Variants in ELF1 observed in about 807,000 individuals in gnomAD.
The protein encoded by ELF1 is ETS-related transcription factor Elf-1.
A neutral mutation model predicts 59.9 loss-of-function variants in ELF1; 24 were observed. That is an observed-to-expected ratio of 0.40 (90% CI 0.29 to 0.56). ELF1 has a LOEUF of 0.56. ELF1 is among the 20% of genes least tolerant of loss of function. The pLI is 0.44. For missense variants in ELF1, 627 were observed against 742.2 expected, an observed-to-expected ratio of 0.84 and a Z score of 1.80; for synonymous variants, 248 against 266.2, an observed-to-expected ratio of 0.93 and a Z score of 0.67.
chr13:40,949,768 G>A, intron 5 of ELF1, 38 bp downstream of exon 5: 3 of 1,605,746 alleles, frequency 1.9e-6, no homozygotes, highest in Non-Finnish European at 2.6e-6. Context: ...TTCACACCAA[G>A]ACTTGACTAT....
chr13:40,989,026 G>A (rs572174974), intron 1 of ELF1, among the ~76,000 whole-genome samples: 1 of 152,264 alleles, frequency 6.6e-6, no homozygotes, highest in East Asian at 1.9e-4. Context: ...TCGAACTCCT[G>A]AGCTCAAGTG....
chr13:41,005,974 G>A (rs1356147481), intron 1 of ELF1, among the ~76,000 whole-genome samples: 1 of 152,068 alleles, frequency 6.6e-6, no homozygotes, highest in African/African-American at 2.4e-5. Flanking sequence ...AATTCCACCA[G>A]AGTTTAGTGC....
In ELF1 at chr13:41,060,911, T is replaced by TGCCGCCGCCGCC. The variant is rs1225488758; in HGVS notation, c.-303_-302insGGCGGCGGCGGC. 3.0e-5 allele frequency: 8 copies of TGCCGCCGCCGCC among 264,454 alleles called. 2 individuals carry two copies. In the East Asian group the frequency reaches 8.0e-4, roughly 27 times the overall value. The allele number at this position is 264,454 out of a possible 1,614,324, so 16.4% of individuals were successfully genotyped here. A position where few individuals can be genotyped will look rare whatever the true frequency, so the allele number is the denominator to read the frequency against. ...GCCGCCTCTGCGCTACTGAAGCTGC[T>TGCCGCCGCCGCC]GCTGCCGCCGCCGCCGCCGCCGCCG... On this transcript the variant is annotated 5_prime_UTR_variant, in exon 1 of 2. Coordinates refer to the ELF1 transcript ENST00000405737.
rs1869532213 is a variant in ELF1, at chr13:40,933,333, C to A, written c.*92G>T. On this transcript the variant is annotated 3_prime_UTR_variant, in exon 9 of 9. Transcript: ENST00000239882. ...TTTTTAACAATTACAAAATTAGAAA[C>A]CTCCTTAGAATTTATCTTAGAATCA... 2 of 1,460,518 alleles carry A rather than the reference C, an allele frequency of 1.4e-6. No individual in the cohort carries two copies. Among genetic ancestry groups the A allele is most frequent in the Non-Finnish European group, 1.8e-6 (2 of 1,093,876 alleles). 90.5% of individuals were successfully genotyped at this position (1,460,518 alleles called of 1,614,324 possible). A position where few individuals can be genotyped will look rare whatever the true frequency, so the allele number is the denominator to read the frequency against.
At chr13:40,982,640 A>T (rs565652921) in intron 1 of ELF1, among the ~76,000 whole-genome samples, 17 of 152,184 alleles carry the variant, frequency 1.1e-4, no homozygotes, top group African/African-American at 3.9e-4. Flanking sequence ...CTTTTCACCA[A>T]CTCAGCAAAG....
In ELF1 at chr13:40,942,767, C is replaced by T. The variant is rs558137792; in HGVS notation, c.806+185G>A. Reference sequence around the variant, plus strand: ...AAACTCCTGGACTCAAGCAATCCACCGGCCTCAGCCTCCCAAAGTGTTGGG... The same window carrying T: ...AAACTCCTGGACTCAAGCAATCCACTGGCCTCAGCCTCCCAAAGTGTTGGG... On this transcript the variant is annotated intron_variant, in intron 7 of 8. Transcript: ENST00000239882. Among the ~76,000 whole-genome samples, 37 of 152,256 alleles carry T rather than the reference C, an allele frequency of 2.4e-4. 1 individual carries two copies. Among genetic ancestry groups the T allele is most frequent in the African/African-American group, 8.7e-4 (36 of 41,560 alleles).
At position 40,945,633 on chromosome 13, in the gene ELF1, T is replaced by G. The variant is rs546832361; in HGVS notation, c.530-1708A>C. 2.0e-5 allele frequency among the ~76,000 whole-genome samples: 3 copies of G among 152,348 alleles called. No homozygotes were observed. The East Asian group carries it at 5.8e-4, about 29-fold the overall frequency. ...GATTAATGTGATTCTGGAAAATTCT[T>G]AGTCACTATCTCTTGAATATTGTCT... On this transcript the variant is annotated intron_variant, in intron 5 of 8. Coordinates refer to ENST00000239882, the MANE Select transcript of ELF1 (RefSeq NM_172373.4).
chr13:40,943,829 T>C lies in ELF1; in HGVS notation c.613+13A>G. 1 of 1,608,618 alleles carries C rather than the reference T, an allele frequency of 6.2e-7. No individual in the cohort carries two copies. The highest frequency in any genetic ancestry group is 1.1e-5 in the South Asian group (1 of 90,374). On this transcript the variant is annotated intron_variant, in intron 6 of 8. Transcript: ENST00000239882. The stretch of plus-strand genomic sequence containing the variant: ...TGAGTGTTATTTGACCTATAAGTAT[T>C]ACACAGTAGTACCCTTTCCATCTTT...
intron 2 of ELF1, among the ~76,000 whole-genome samples, chr13:40,961,966 G>C (rs1214525716): frequency 2.6e-5 from 4 of 152,242 alleles, no homozygotes; most frequent in African/African-American, 7.2e-5. Flanking sequence ...CTTGGGTAGA[G>C]AGTGCTAATG....
At chr13:40,972,761 C>G (rs527385984) in intron 2 of ELF1, among the ~76,000 whole-genome samples, 1 of 152,180 alleles carries the variant, frequency 6.6e-6, no homozygotes, top group African/African-American at 2.4e-5. Context: ...CAGCTAGAGC[C>G]AGGCTCCCAA....
At chr13:41,028,132 A>G (rs2138402672) in intron 1 of ELF1, among the ~76,000 whole-genome samples, 1 of 152,308 alleles carries the variant, frequency 6.6e-6, no homozygotes, top group East Asian at 1.9e-4. Flanking sequence ...CCAGAGAGAG[A>G]GGAATACTTC....
At chr13:41,041,575 T>G (rs1876612210) in intron 1 of ELF1, among the ~76,000 whole-genome samples, 1 of 152,004 alleles carries the variant, frequency 6.6e-6, no homozygotes, top group Admixed American at 6.6e-5. Flanking sequence ...CTTCAGAGGT[T>G]AAGAAGAAAG....
At chr13:41,006,203 T>C (rs908930873) in intron 1 of ELF1, among the ~76,000 whole-genome samples, 4 of 152,216 alleles carry the variant, frequency 2.6e-5, no homozygotes, top group Non-Finnish European at 1.5e-5. Context: ...CAGAAGGATC[T>C]TGCTCATTCT....
In ELF1 at chr13:40,933,678, G is replaced by T. The variant is rs1869562707; in HGVS notation, c.1607C>A (p.Thr536Asn). 4 of 1,614,166 alleles carry T rather than the reference G, an allele frequency of 2.5e-6. No homozygotes were observed. Among genetic ancestry groups the T allele is most frequent in the African/African-American group, 1.3e-5 (1 of 74,950 alleles). ...PSFSATAPVV[T>N]FSPRSSQLVA... is the part of the protein sequence containing the mutation. ...CAGCTGTGAACTGCGAGGAGAAAAG[G>T]TCACCACAGGTGCAGTAGCACTGAA... Residue 536 changes from threonine to asparagine, a missense_variant, in exon 9 of 9, where the codon ACC (threonine) becomes AAC (asparagine). This residue lies in a region of ELF1 where 361 missense variants were observed against 396.1 expected (regional missense o/e 0.91). Coordinates refer to ENST00000239882, the MANE Select transcript of ELF1 (RefSeq NM_172373.4).
chr13:40,964,561 C>T (rs1206604484), intron 2 of ELF1, among the ~76,000 whole-genome samples: 1 of 151,912 alleles, frequency 6.6e-6, no homozygotes, highest in East Asian at 1.9e-4. Flanking sequence ...GTGATCTCAG[C>T]TCTCCCTCTG....
intron 1 of ELF1, among the ~76,000 whole-genome samples, chr13:41,060,402 C>T (rs1009730192): frequency 6.6e-6 from 1 of 152,148 alleles, no homozygotes; most frequent in South Asian, 2.1e-4. Flanking sequence ...AACGCAAGGC[C>T]GGAGTTAATC....
intron 1 of ELF1, among the ~76,000 whole-genome samples, chr13:40,987,369 T>C (rs1593380674): frequency 6.8e-6 from 1 of 146,742 alleles, no homozygotes; most frequent in Non-Finnish European, 1.5e-5. Context: ...TTACCTGAGG[T>C]CAGGAGTTCG....
chr13:41,042,745 T>C (rs929123544), intron 1 of ELF1, among the ~76,000 whole-genome samples: 1 of 152,220 alleles, frequency 6.6e-6, no homozygotes, highest in African/African-American at 2.4e-5. Flanking sequence ...TCTTTGCTAT[T>C]GTGAATAATG....
upstream of ELF1, among the ~76,000 whole-genome samples, chr13:41,020,555 CTATT>C (rs1399845412): frequency 6.6e-6 from 1 of 152,184 alleles, no homozygotes. Flanking sequence ...TGCCTGCTGT[CTATT>C]TATTCCTTAC....
Sources: gnomAD v4.1 joint callset for allele counts (sites outside exome capture counted in the v4.1 genomes callset) on GRCh38, gnomAD v4.1.1 for gene constraint, gnomAD v4.1.1 regional missense constraint, MANE v1.5 for transcripts, NCBI Gene and HGNC (gene_info 2026-07-23, HGNC 2026-07-21) for gene names.